The following GPC5 variants were observed in gnomAD, a reference collection of about 807,000 sequenced individuals.
GPC5 encodes glypican 5.
Under a neutral mutation model 53.9 loss-of-function variants are expected in GPC5, and 47 were observed. That is an observed-to-expected ratio of 0.87 (90% CI 0.69 to 1.11). The LOEUF is 1.11. Among genes scored for constraint, GPC5 ranks in the 50% most tolerant of loss-of-function variants. GPC5 has a pLI of 0.00. For synonymous variants in GPC5, 286 were observed against 263.3 expected, an observed-to-expected ratio of 1.09 and a Z score of -0.84; for missense variants, 748 against 713.1, an observed-to-expected ratio of 1.05 and a Z score of -0.56.
chr13:92,125,924 G>GTTTTTTTTTTTTTTTTT (rs1190169532), intron 6 of GPC5, among the ~76,000 whole-genome samples: 3 of 75,872 alleles, frequency 4.0e-5, no homozygotes, highest in African/African-American at 1.1e-4. Flanking sequence ...TTGTTTTTTG[G>GTTTTTTTTTTTTTTTTT]TTTTTTTTTT....
intron 7 of GPC5, among the ~76,000 whole-genome samples, chr13:92,693,057 T>C (rs1376159828): frequency 6.6e-6 from 1 of 152,116 alleles, no homozygotes; most frequent in East Asian, 1.9e-4. Flanking sequence ...GCTCTCTCTC[T>C]GTCCTGCTGT....
At chr13:92,379,885 T>C (rs1442772405) in intron 7 of GPC5, among the ~76,000 whole-genome samples, 1 of 152,206 alleles carries the variant, frequency 6.6e-6, no homozygotes, top group African/African-American at 2.4e-5. Flanking sequence ...TGGCTACCTA[T>C]TTTGGCAGCC....
intron 7 of GPC5, among the ~76,000 whole-genome samples, chr13:92,417,912 G>A (rs1876385821): frequency 6.6e-6 from 1 of 151,964 alleles, no homozygotes; most frequent in African/African-American, 2.4e-5. Flanking sequence ...AAACCCAAAT[G>A]TCTATCAGGC....
intron 5 of GPC5, among the ~76,000 whole-genome samples, chr13:91,860,184 T>C (rs2138909625): frequency 6.6e-6 from 1 of 152,250 alleles, no homozygotes; most frequent in Non-Finnish European, 1.5e-5. Flanking sequence ...CCAGCTTTAA[T>C]TTTGAATCTT....
chr13:91,878,732 C>G (rs9523444), intron 5 of GPC5, among the ~76,000 whole-genome samples: 1 of 151,978 alleles, frequency 6.6e-6, no homozygotes, highest in East Asian at 1.9e-4. Flanking sequence ...GTTTGCTTCC[C>G]CTTTCCCCAT....
chr13:92,823,246 C>T (rs924634454), intron 7 of GPC5, among the ~76,000 whole-genome samples: 1 of 152,134 alleles, frequency 6.6e-6, no homozygotes, highest in African/African-American at 2.4e-5. Context: ...ACCTCCCTAT[C>T]AGACAGCTGT....
chr13:92,246,339 A>T (rs1191128394), intron 7 of GPC5, among the ~76,000 whole-genome samples: 1 of 152,156 alleles, frequency 6.6e-6, no homozygotes, highest in African/African-American at 2.4e-5. Context: ...ATAAGGATAT[A>T]TTCATTGAAT....
chr13:92,678,582 G>C (rs991428824), intron 7 of GPC5, among the ~76,000 whole-genome samples: 1 of 152,196 alleles, frequency 6.6e-6, no homozygotes, highest in African/African-American at 2.4e-5. Flanking sequence ...AGGTCTCCCT[G>C]CTACAGCAGA....
intron 7 of GPC5, among the ~76,000 whole-genome samples, chr13:92,579,208 G>A (rs1883285031): frequency 6.8e-6 from 1 of 148,048 alleles, no homozygotes; most frequent in South Asian, 2.1e-4. Flanking sequence ...CTGAATTATA[G>A]ATTTTAGATT....
chr13:91,872,454 G>A (rs1293508398), intron 5 of GPC5, among the ~76,000 whole-genome samples: 3 of 152,000 alleles, frequency 2.0e-5, no homozygotes, highest in Non-Finnish European at 2.9e-5. Flanking sequence ...AGCACAAAAA[G>A]GAAACATATT....
intron 6 of GPC5, among the ~76,000 whole-genome samples, chr13:92,026,453 CTT>C (rs1263154168): frequency 4.3e-5 from 6 of 140,590 alleles, no homozygotes; most frequent in Admixed American, 7.1e-5. Context: ...TTTCTTTTTT[CTT>C]TTTTTTTTTT....
At chr13:91,893,950 T>G (rs2039414789) in intron 5 of GPC5, among the ~76,000 whole-genome samples, 1 of 145,792 alleles carries the variant, frequency 6.9e-6, no homozygotes, top group Non-Finnish European at 1.5e-5. Context: ...CCAGGTTTTT[T>G]TTTTTTCCAG....
chr13:92,546,499 T>C (rs934513634), intron 7 of GPC5, among the ~76,000 whole-genome samples: 11 of 152,218 alleles, frequency 7.2e-5, no homozygotes, highest in African/African-American at 1.9e-4. Context: ...TACAGACTAC[T>C]GCTCAATGAA....
At chr13:92,792,426 C>A (rs1355777254) in intron 7 of GPC5, among the ~76,000 whole-genome samples, 4 of 151,658 alleles carry the variant, frequency 2.6e-5, no homozygotes, top group Admixed American at 6.6e-5. Context: ...TGGAATGGAA[C>A]AACTGGTACC....
At chr13:92,026,982 G>A (rs552328117) in intron 6 of GPC5, among the ~76,000 whole-genome samples, 7 of 152,282 alleles carry the variant, frequency 4.6e-5, no homozygotes, top group African/African-American at 1.7e-4. Flanking sequence ...TGAGTGATCA[G>A]TGCATAGCCT....
rs189084427 is a variant in GPC5 at position 92,268,578 on chromosome 13, T to A, written c.1561+123589T>A. On this transcript the variant is annotated intron_variant, in intron 7 of 7. Coordinates refer to ENST00000377067, the MANE Select transcript of GPC5 (RefSeq NM_004466.6). ...ATATGATGGATATTTAGGTAATATCTTTTTTTTTTGCTATTATACACGCTC... is the reference window on the plus strand; with the variant it reads ...ATATGATGGATATTTAGGTAATATCATTTTTTTTTGCTATTATACACGCTC... Among the ~76,000 whole-genome samples, 5 of 132,652 alleles carry A rather than the reference T, an allele frequency of 3.8e-5. No individual in the cohort carries two copies. The East Asian group carries it at 1.1e-3, about 30-fold the overall frequency. The allele number at this position is 132,652 out of a possible 152,430, so 87.0% of individuals were successfully genotyped here.
chr13:91,924,664 C>T (rs1315840081), intron 6 of GPC5, among the ~76,000 whole-genome samples: 3 of 152,010 alleles, frequency 2.0e-5, no homozygotes, highest in South Asian at 4.2e-4. Flanking sequence ...TCACCTGGGC[C>T]TGGGAGGTTG....
chr13:92,359,143 T>C (rs1167733505), intron 7 of GPC5, among the ~76,000 whole-genome samples: 1 of 151,756 alleles, frequency 6.6e-6, no homozygotes, highest in Non-Finnish European at 1.5e-5. Context: ...AGACCACATC[T>C]TGAGTGCTTT....
chr13:92,764,866 G>A (rs1594490922), intron 7 of GPC5, among the ~76,000 whole-genome samples: 1 of 151,860 alleles, frequency 6.6e-6, no homozygotes, highest in Non-Finnish European at 1.5e-5. Flanking sequence ...AAGGGTGGAG[G>A]TCTTAAGTTT....
Sources: allele counts gnomAD v4.1 joint callset (sites outside exome capture counted in the v4.1 genomes callset), GRCh38; gene constraint gnomAD v4.1.1; transcripts MANE v1.5; gene names NCBI Gene and HGNC (gene_info 2026-07-23, HGNC 2026-07-21).